Variants in RBM27 observed in about 807,000 individuals in gnomAD.
The protein encoded by RBM27 is RNA-binding protein 27.
In RBM27, 22 loss-of-function variants were observed where a neutral mutation model predicts 135.3. That is an observed-to-expected ratio of 0.16 (90% confidence interval 0.12 to 0.23). RBM27 has a LOEUF of 0.23. RBM27 is among the 10% of genes least tolerant of loss of function. The probability of loss-of-function intolerance (pLI) is 1.00; values close to 1 mark genes in which losing one functional copy is unlikely to be tolerated. For synonymous variants in RBM27, 481 were observed against 442.4 expected (o/e 1.09, Z -1.10); for missense variants, 1,009 against 1,281.0 (o/e 0.79, Z 3.24).
rs1758051112 is a variant in RBM27, at chr5:146,255,100, T to G, written c.1594+8T>G. 1 of 1,604,748 alleles carries G rather than the reference T, an allele frequency of 6.2e-7. No homozygotes were observed. Among genetic ancestry groups the G allele is most frequent in the African/African-American group, 1.3e-5 (1 of 74,564 alleles). On this transcript the variant is annotated splice_region_variant and intron_variant, in intron 10 of 20. Transcript: ENST00000265271. ...TGGATGTAAATCCAAGAGGTGAGAA[T>G]ACCTTGAACTTTTTCTGATGCTAAG...
chr5:146,255,034 G>C lies in RBM27; in HGVS notation c.1536G>C (p.Gln512His). ...ACAGACAGTTCTTTTCAAGAACTCAGACACAGCGTCCCAATCTGATTGGCC... is the reference window on the plus strand; with the variant it reads ...ACAGACAGTTCTTTTCAAGAACTCACACACAGCGTCCCAATCTGATTGGCC... ...SQYRQFFSRT[Q>H]TQRPNLIGLT... The change falls in exon 10 of 21, where the codon CAG (glutamine) becomes CAC (histidine). Residue 512 changes from glutamine to histidine, a missense_variant. Transcript: ENST00000265271. 1 of 1,611,416 alleles carries C rather than the reference G, an allele frequency of 6.2e-7. No individual in the cohort carries two copies. Among genetic ancestry groups the C allele is most frequent in the Non-Finnish European group, 8.5e-7 (1 of 1,177,642 alleles).
At chr5:146,231,804 G>T (rs1292856907) in intron 6 of RBM27, among the ~76,000 whole-genome samples, 1 of 151,092 alleles carries the variant, frequency 6.6e-6, no homozygotes. Context: ...TAGTAGAGAC[G>T]GGGTTTCACC....
intron 3 of RBM27, among the ~76,000 whole-genome samples, chr5:146,225,349 C>T (rs770843010): frequency 2.0e-5 from 3 of 151,982 alleles, no homozygotes; most frequent in Non-Finnish European, 4.4e-5. Flanking sequence ...TTATCATTTC[C>T]GATTCATTTT....
chr5:146,259,043 G>A (rs1020765179), intron 11 of RBM27, among the ~76,000 whole-genome samples: 3 of 151,824 alleles, frequency 2.0e-5, no homozygotes, highest in African/African-American at 7.3e-5. Flanking sequence ...TTACAGGTGT[G>A]AGCTACCACA....
At chr5:146,272,836 G>A (rs1273103439) in intron 19 of RBM27, among the ~76,000 whole-genome samples, 1 of 152,126 alleles carries the variant, frequency 6.6e-6, no homozygotes, top group African/African-American at 2.4e-5. Context: ...CTGATTCTTG[G>A]GGAAGATAGG....
intron 11 of RBM27, among the ~76,000 whole-genome samples, chr5:146,259,604 G>A (rs1285941306): frequency 1.3e-5 from 2 of 151,416 alleles, no homozygotes; most frequent in Non-Finnish European, 2.9e-5. Flanking sequence ...GATCTATTTA[G>A]CATATGATTT....
intron 1 of RBM27, among the ~76,000 whole-genome samples, chr5:146,215,079 G>A (rs574414784): frequency 6.6e-6 from 1 of 151,858 alleles, no homozygotes. Context: ...AGACTGAGTC[G>A]CGCTCTATCG....
At chr5:146,215,240 G>C (rs1028892014) in intron 1 of RBM27, among the ~76,000 whole-genome samples, 2 of 151,984 alleles carry the variant, frequency 1.3e-5, no homozygotes, top group African/African-American at 2.4e-5. Context: ...AGTAGACATG[G>C]GGTTTCACCA....
At chr5:146,219,605 T>C (rs1418024982) in intron 2 of RBM27, among the ~76,000 whole-genome samples, 1 of 152,196 alleles carries the variant, frequency 6.6e-6, no homozygotes, top group African/African-American at 2.4e-5. Flanking sequence ...CTCTCTGACC[T>C]TATCTCCTAT....
intron 13 of RBM27, 33 bp downstream of exon 13, chr5:146,261,839 T>C (rs374436282): frequency 6.2e-7 from 1 of 1,610,282 alleles, no homozygotes; most frequent in African/African-American, 1.3e-5. Flanking sequence ...AAAGGTCTTT[T>C]AGTTACACCC....
chr5:146,273,494 G>A (rs1173583004), intron 19 of RBM27, among the ~76,000 whole-genome samples: 2 of 152,112 alleles, frequency 1.3e-5, no homozygotes, highest in Admixed American at 6.6e-5. Flanking sequence ...CTTTGATTTG[G>A]ATGGCTCTTT....
intron 2 of RBM27, among the ~76,000 whole-genome samples, chr5:146,219,587 C>A (rs2126710695): frequency 6.6e-6 from 1 of 152,258 alleles, no homozygotes; most frequent in East Asian, 1.9e-4. Context: ...TAAGGTTTCC[C>A]CTGTTGCCTC....
At chr5:146,229,189 G>T in intron 4 of RBM27, 152 bp downstream of exon 4, 1 of 618,734 alleles carries the variant, frequency 1.6e-6, no homozygotes, top group African/African-American at 1.9e-5. Context: ...CATTCTTTCT[G>T]TTTTTTGTCT....
Position 146,267,765 on chromosome 5 carries a change from A to G in RBM27, c.2448A>G (p.Lys816=). The G allele has an allele frequency of 3.1e-6, 5 of 1,601,770 alleles. No homozygotes were observed. Among genetic ancestry groups the G allele is most frequent in the South Asian group, 2.3e-5 (2 of 87,366 alleles). ...ATGTTCAAGAAGTGCTTAAAAAAAA[A>G]CAGGTAACAGTCTTGATTCTTCTTG... is the stretch of plus-strand genomic sequence containing the variant. The part of the protein sequence containing the change: ...SHDVQEVLKK[K]QEAMKLQQDM... The change falls in exon 15 of 21, where the codon AAA becomes AAG. Residue 816 remains lysine (K), a synonymous_variant. Coordinates refer to ENST00000265271, the MANE Select transcript of RBM27 (RefSeq NM_018989.2).
In RBM27 at chr5:146,270,975, A is replaced by G; in HGVS notation, c.2713A>G (p.Thr905Ala). 1 of 1,612,766 alleles carries G rather than the reference A, an allele frequency of 6.2e-7. No homozygotes were observed. The highest frequency in any genetic ancestry group is 8.5e-7 in the Non-Finnish European group (1 of 1,179,078). ...KTEAQKELLD[T>A]ELDLHKRLSS... Reference sequence around the variant, plus strand: ...AAAGGCCCAGAAGGAGTTATTAGATACTGAACTGGACCTCCACAAGAGGCT... The same window carrying G: ...AAAGGCCCAGAAGGAGTTATTAGATGCTGAACTGGACCTCCACAAGAGGCT... The change falls in exon 18 of 21, where the codon ACT becomes GCT. Residue 905 changes from threonine (T) to alanine (A), a missense_variant. Thr to Ala is a moderately conservative substitution (Grantham distance 58). Coordinates refer to ENST00000265271, the MANE Select transcript of RBM27 (RefSeq NM_018989.2).
chr5:146,215,401 G>T (rs998914314), intron 1 of RBM27, among the ~76,000 whole-genome samples: 4 of 152,130 alleles, frequency 2.6e-5, no homozygotes, highest in Non-Finnish European at 5.9e-5. Context: ...TGAATGTTTT[G>T]CCCATTCCTA....
At chr5:146,282,243 T>G (rs34775587) in intron 19 of RBM27, among the ~76,000 whole-genome samples, 31,889 of 152,132 alleles carry the variant, frequency 0.21, 4,252 homozygotes, top group Admixed American at 0.33. Context: ...TGACCTCAGG[T>G]GATCCGCCCA....
At chr5:146,275,545 G>A (rs149309121) in intron 19 of RBM27, among the ~76,000 whole-genome samples, 2 of 152,080 alleles carry the variant, frequency 1.3e-5, no homozygotes, top group African/African-American at 2.4e-5. Flanking sequence ...AGGATTATAG[G>A]CATGAGCCAC....
chr5:146,263,583 T>C lies in RBM27; in HGVS notation c.2283T>C (p.Asp761=). The change falls in exon 14 of 21, where the codon GAT becomes GAC. Residue 761 remains aspartate (D), a synonymous_variant. Transcript: ENST00000265271. ...RLGHAGGNQS[D]ASHLLNQSGG... The stretch of plus-strand genomic sequence containing the variant: ...GACATGCAGGTGGTAACCAGAGTGA[T>C]GCATCACATTTGTTGAATCAGTCTG... The C allele has an allele frequency of 1.2e-6, 2 of 1,614,182 alleles. No individual in the cohort carries two copies. Among genetic ancestry groups the C allele is most frequent in the South Asian group, 1.1e-5 (1 of 91,080 alleles).
Sources: allele counts gnomAD v4.1 joint callset (sites outside exome capture counted in the v4.1 genomes callset), GRCh38; gene constraint gnomAD v4.1.1; transcripts MANE v1.5; gene names NCBI Gene and HGNC (gene_info 2026-07-23, HGNC 2026-07-21).